Variants in MACF1 observed in about 807,000 individuals in gnomAD.
The protein encoded by MACF1 is microtubule-actin cross-linking factor 1.
A neutral mutation model predicts 854.8 loss-of-function variants in MACF1; 193 were observed. The observed-to-expected ratio is 0.23, with a 90% CI of 0.20 to 0.25. The LOEUF is 0.25. Among genes scored for constraint, MACF1 ranks in the 10% least tolerant of loss-of-function variants. The probability of loss-of-function intolerance (pLI) is 1.00; values close to 1 mark genes in which losing one functional copy is unlikely to be tolerated. For synonymous variants in MACF1, 3,185 were observed against 3,226.7 expected (o/e 0.99, Z 0.44); for missense variants, 7,722 against 8,929.1 (o/e 0.86, Z 5.45).
intron 50 of MACF1, among the ~76,000 whole-genome samples, chr1:39,368,962 C>T (rs1398335580): frequency 6.7e-6 from 1 of 149,508 alleles, no homozygotes; most frequent in African/African-American, 2.5e-5. Context: ...AAGAGACTTC[C>T]TAGACATAAT....
At chr1:39,347,386 G>A (rs1459389369) in intron 41 of MACF1, among the ~76,000 whole-genome samples, 176 bp downstream of exon 41, 1 of 152,210 alleles carries the variant, frequency 6.6e-6, no homozygotes, top group African/African-American at 2.4e-5. Flanking sequence ...TCTGGCTGTT[G>A]TTCTTGCCAT....
chr1:39,447,858 G>C lies in MACF1; in HGVS notation c.19928G>C (p.Arg6643Thr). Residue 6643 changes from arginine (R) to threonine (T), a missense_variant, in exon 82 of 101, where the codon AGA (arginine) becomes ACA (threonine). Transcript: ENST00000564288. ...WEKVVQRSIE[R>T]GRSLDDARKR... ...AAGGTTGTCCAGCGATCTATTGAAAGAGGGCGATCACTAGATGATGCCAGG... is the reference window on the plus strand; with the variant it reads ...AAGGTTGTCCAGCGATCTATTGAAACAGGGCGATCACTAGATGATGCCAGG... The C allele has an allele frequency of 6.2e-7, 1 of 1,614,048 alleles. No homozygotes were observed. Among genetic ancestry groups the C allele is most frequent in the Non-Finnish European group, 8.5e-7 (1 of 1,180,012 alleles).
At chr1:39,440,931 T>G (rs961829393) in intron 72 of MACF1, 72 bp from the exon 73 acceptor site, 7 of 1,553,870 alleles carry the variant, frequency 4.5e-6, no homozygotes, top group Non-Finnish European at 6.2e-6. Flanking sequence ...GGGGTATAAA[T>G]CACATTTGCA....
chr1:39,282,947 C>G (rs575590129), intron 7 of MACF1, among the ~76,000 whole-genome samples: 1 of 152,042 alleles, frequency 6.6e-6, no homozygotes, highest in Non-Finnish European at 1.5e-5. Context: ...CAGTTCTAAC[C>G]GACGATATTT....
intron 100 of MACF1, chr1:39,485,083 A>G (rs561274026): frequency 7.5e-5 from 26 of 347,608 alleles, no homozygotes; most frequent in African/African-American, 5.1e-4. Context: ...CATACTTACT[A>G]TGGCTGCTGT....
intron 2 of MACF1, among the ~76,000 whole-genome samples, chr1:39,131,475 T>G (rs1643004856): frequency 6.6e-6 from 1 of 152,046 alleles, no homozygotes; most frequent in African/African-American, 2.4e-5. Flanking sequence ...GTCCAGCACC[T>G]GTTTTTCCTT....
At chr1:39,370,246 A>G in intron 51 of MACF1, 60 bp downstream of exon 51, 2 of 1,429,236 alleles carry the variant, frequency 1.4e-6, no homozygotes, top group Non-Finnish European at 9.4e-7. Flanking sequence ...ACTTGTATTA[A>G]CTGGTCTCCA....
At chr1:39,479,477 C>T (rs1276183482) in intron 97 of MACF1, among the ~76,000 whole-genome samples, 2 of 152,164 alleles carry the variant, frequency 1.3e-5, no homozygotes, top group South Asian at 2.1e-4. Context: ...CAGAGGTTTA[C>T]GAACTGTTGC....
chr1:39,443,582 C>T lies in MACF1; in HGVS notation c.19431+8C>T, dbSNP rs376947216. 14 of 1,587,106 alleles carry T rather than the reference C, an allele frequency of 8.8e-6. No individual in the cohort carries two copies. The African/African-American group carries it at 1.1e-4, about 12-fold the overall frequency. On this transcript the variant is annotated splice_region_variant and intron_variant, in intron 79 of 100. Transcript: ENST00000564288. Reference sequence around the variant, plus strand: ...CAGCTTGATACACATATGGTAATAGCAATTTTTTGAAATTGAGCATAAGCA... The same window carrying T: ...CAGCTTGATACACATATGGTAATAGTAATTTTTTGAAATTGAGCATAAGCA...
At chr1:39,093,889 C>G (rs1397761055) in intron 2 of MACF1, among the ~76,000 whole-genome samples, 1 of 152,130 alleles carries the variant, frequency 6.6e-6, no homozygotes, top group African/African-American at 2.4e-5. Flanking sequence ...CCGGGTTCTC[C>G]TGTCTCAGCC....
intron 41 of MACF1, 36 bp from the exon 42 acceptor site, chr1:39,349,442 A>G: frequency 1.3e-6 from 2 of 1,565,704 alleles, no homozygotes; most frequent in Non-Finnish European, 1.7e-6. Context: ...AATGTGAATT[A>G]CGAAATGTCT....
At chr1:39,087,395 C>T (rs1019855592) in intron 2 of MACF1, among the ~76,000 whole-genome samples, 1 of 152,220 alleles carries the variant, frequency 6.6e-6, no homozygotes, top group South Asian at 2.1e-4. Flanking sequence ...GCCTGGTGGT[C>T]ACACATGTCA....
At chr1:39,403,069 T>G (rs1233211218) in intron 58 of MACF1, among the ~76,000 whole-genome samples, 1 of 142,730 alleles carries the variant, frequency 7.0e-6, no homozygotes, top group African/African-American at 2.8e-5. Context: ...TTGGTTTTTT[T>G]TTTGTTTGGT....
chr1:39,437,599 A>C, intron 70 of MACF1, 178 bp from the exon 71 acceptor site: 1 of 618,102 alleles, frequency 1.6e-6, no homozygotes, highest in Non-Finnish European at 3.0e-6. Flanking sequence ...GGTGTGAGCC[A>C]CCACCCCTGG....
chr1:39,280,484 G>T (rs916451279), intron 6 of MACF1, among the ~76,000 whole-genome samples: 3 of 151,882 alleles, frequency 2.0e-5, no homozygotes, highest in Non-Finnish European at 4.4e-5. Context: ...TTAAGATGTG[G>T]TGCCAGCCCC....
At chr1:39,401,434 A>G (rs1196036531) in intron 58 of MACF1, among the ~76,000 whole-genome samples, 3 of 152,194 alleles carry the variant, frequency 2.0e-5, no homozygotes, top group African/African-American at 7.2e-5. Context: ...CTTAATATTA[A>G]TCAATCTTTA....
chr1:39,134,395 A>G (rs975091931), intron 2 of MACF1, among the ~76,000 whole-genome samples: 1 of 152,106 alleles, frequency 6.6e-6, no homozygotes, highest in Non-Finnish European at 1.5e-5. Context: ...CATGCCTCTA[A>G]CATTTAACAG....
chr1:39,449,688 G>C (rs1437097301), intron 84 of MACF1, among the ~76,000 whole-genome samples: 1 of 135,852 alleles, frequency 7.4e-6, no homozygotes, highest in Non-Finnish European at 1.6e-5. Context: ...GTGAGCCACC[G>C]CGCCTGGCAT....
intron 6 of MACF1, among the ~76,000 whole-genome samples, chr1:39,272,178 T>C (rs976025789): frequency 3.3e-5 from 5 of 152,174 alleles, no homozygotes; most frequent in African/African-American, 7.2e-5. Flanking sequence ...CCATCCTATA[T>C]GACAGATAAG....
Sources: allele counts gnomAD v4.1 joint callset (sites outside exome capture counted in the v4.1 genomes callset), GRCh38; gene constraint gnomAD v4.1.1; transcripts MANE v1.5; gene names NCBI Gene and HGNC (gene_info 2026-07-23, HGNC 2026-07-21).